Variants in ZFYVE26 observed in about 807,000 individuals in gnomAD.
The protein encoded by ZFYVE26 is zinc finger FYVE-type containing 26.
In ZFYVE26, 181 loss-of-function variants were observed where a neutral mutation model predicts 276.5. The ratio of observed to expected loss-of-function variants is 0.65; its 90% CI spans 0.58 to 0.74. The LOEUF (loss-of-function observed/expected upper bound fraction) is 0.74. ZFYVE26 is among the 30% of genes least tolerant of loss of function. ZFYVE26 has a pLI of 0.00. For synonymous variants in ZFYVE26, 1,129 were observed against 1,203.1 expected, an observed-to-expected ratio of 0.94 and a Z score of 1.27; for missense variants, 2,821 against 3,097.9, an observed-to-expected ratio of 0.91 and a Z score of 2.12.
intron 16 of ZFYVE26, among the ~76,000 whole-genome samples, chr14:67,788,088 C>CG (rs1039057506): frequency 1.9e-4 from 18 of 95,910 alleles, no homozygotes; most frequent in African/African-American, 5.2e-4. Context: ...CACCAGTCCT[C>CG]GAAAAAAAAA....
At chr14:67,812,367 T>C (rs568384899) in intron 3 of ZFYVE26, among the ~76,000 whole-genome samples, 46 of 152,128 alleles carry the variant, frequency 3.0e-4, no homozygotes, top group African/African-American at 1.1e-3. Context: ...CAAAAATGAA[T>C]GGAGGAAAGG....
chr14:67,765,658 G>A (rs373766397), intron 32 of ZFYVE26, among the ~76,000 whole-genome samples: 1 of 152,168 alleles, frequency 6.6e-6, no homozygotes, highest in Non-Finnish European at 1.5e-5. Context: ...AGTCAAAACC[G>A]GTTGTACAGG....
At chr14:67,735,222 G>A in intron 13 of ZFYVE26, 3 of 1,458,718 alleles carry the variant, frequency 2.1e-6, no homozygotes, top group South Asian at 2.3e-5. Context: ...TTCTCGTGGT[G>A]TTCAGGTGCT....
At chr14:67,768,599 T>C (rs768004834) in intron 29 of ZFYVE26, 51 bp from the exon 30 acceptor site, 2 of 1,580,578 alleles carry the variant, frequency 1.3e-6, no homozygotes, top group Non-Finnish European at 1.7e-6. Context: ...GTCACTTCTT[T>C]GTTTTGAGCT....
At chr14:67,763,701 G>A (rs2038991113) in intron 32 of ZFYVE26, among the ~76,000 whole-genome samples, 2 of 152,212 alleles carry the variant, frequency 1.3e-5, no homozygotes, top group South Asian at 4.1e-4. Flanking sequence ...TGACAGTGGA[G>A]TTTTAAAGAT....
At position 67,748,264 on chromosome 14, in the gene ZFYVE26, G is replaced by A. The variant is rs564587701; in HGVS notation, c.*172C>T. The A allele has an allele frequency of 1.2e-5, 8 of 683,212 alleles. No individual in the cohort carries two copies. Among genetic ancestry groups the A allele is most frequent in the South Asian group, 3.8e-5 (2 of 52,242 alleles). 42.3% of individuals were successfully genotyped at this position (683,212 alleles called of 1,614,324 possible). On this transcript the variant is annotated 3_prime_UTR_variant, in exon 42 of 42. Transcript: ENST00000347230. Reference sequence around the variant, plus strand: ...AATTTTAGAGAAACATGGCACTTGCGTGAAAGGTCCTATCCTTGCCCGGGA... The same window carrying A: ...AATTTTAGAGAAACATGGCACTTGCATGAAAGGTCCTATCCTTGCCCGGGA...
chr14:67,770,037 T>C (rs2039167472), intron 28 of ZFYVE26: 1 of 433,672 alleles, frequency 2.3e-6, no homozygotes, highest in East Asian at 4.9e-5. Context: ...AGTCACTTTC[T>C]AAGCCAGTGC....
In ZFYVE26 at chr14:67,815,859, A is replaced by C; in HGVS notation, c.105T>G (p.Cys35Trp). ...RRGEWELAQA[C>W]VPQLQEGQGD... is the part of the protein sequence containing the mutation. Reference sequence around the variant, plus strand: ...CTTGTCCCTCCTGTAGCTGAGGTACACATGCCTGTGCCAGCTCCCATTCTC... The same window carrying C: ...CTTGTCCCTCCTGTAGCTGAGGTACCCATGCCTGTGCCAGCTCCCATTCTC... Residue 35 changes from cysteine to tryptophan, a missense_variant, in exon 2 of 42, where the codon TGT becomes TGG. By Grantham distance (215) the Cys-to-Trp change is radical (BLOSUM62 -2). Transcript: ENST00000347230. 1 of 1,614,180 alleles carries C rather than the reference A, an allele frequency of 6.2e-7. No homozygotes were observed. The highest frequency in any genetic ancestry group is 1.1e-5 in the South Asian group (1 of 91,084).
intron 4 of ZFYVE26, 117 bp from the exon 5 acceptor site, chr14:67,808,037 A>G: frequency 8.1e-7 from 1 of 1,232,644 alleles, no homozygotes; most frequent in Non-Finnish European, 1.1e-6. Flanking sequence ...GGTAACAAAT[A>G]CTTATGTCGT....
chr14:67,753,909 A>T (rs2038710810), intron 38 of ZFYVE26, 143 bp from the exon 39 acceptor site: 5 of 1,485,706 alleles, frequency 3.4e-6, no homozygotes, highest in Non-Finnish European at 4.7e-6. Context: ...GGGATATAAG[A>T]ATGATCAAAA....
intron 28 of ZFYVE26, chr14:67,770,341 G>GTACT (rs940473260): frequency 6.1e-5 from 10 of 162,722 alleles, no homozygotes; most frequent in Non-Finnish European, 9.4e-5. Context: ...GCGGGAGCCT[G>GTACT]TACTCCCAGC....
chr14:67,799,027 C>T (rs7160196), intron 10 of ZFYVE26: 715,710 of 1,152,518 alleles, frequency 0.62, 228,259 homozygotes, highest in East Asian at 0.84. Flanking sequence ...AAGTCTATTC[C>T]GTTCCCAGTG....
chr14:67,769,228 T>C (rs1267834212), intron 29 of ZFYVE26, among the ~76,000 whole-genome samples: 1 of 152,136 alleles, frequency 6.6e-6, no homozygotes, highest in Non-Finnish European at 1.5e-5. Flanking sequence ...ATTCAGCAGG[T>C]GTGAACATGT....
In ZFYVE26 at chr14:67,762,808, T is replaced by C. The variant is rs756137782; in HGVS notation, c.6023A>G (p.Lys2008Arg). 1.6e-5 allele frequency: 26 copies of C among 1,614,090 alleles called. 2 individuals are homozygous for C. The South Asian group carries it at 2.9e-4, about 18-fold the overall frequency. ...AACTAAAATATTCAGCACATCTACC[T>C]TGCTGATGTAGCTACAAGGAGGAAA... The part of the protein sequence containing the change: ...DLALCDSYIS[K>R]VDVLNILVAA... The change falls in exon 33 of 42, where the codon AAG (lysine) becomes AGG (arginine). Residue 2008 changes from lysine to arginine, a missense_variant. Lys to Arg is a conservative substitution (Grantham distance 26). Transcript: ENST00000347230.
chr14:67,741,132 T>C (rs1050813638), intron 13 of ZFYVE26, among the ~76,000 whole-genome samples: 3 of 152,188 alleles, frequency 2.0e-5, no homozygotes, highest in African/African-American at 7.2e-5. Flanking sequence ...GCTTCTTTTA[T>C]TCCAATCCTC....
chr14:67,780,073 G>A (rs970546957), intron 23 of ZFYVE26, among the ~76,000 whole-genome samples, 168 bp downstream of exon 23: 2 of 151,996 alleles, frequency 1.3e-5, no homozygotes, highest in Non-Finnish European at 2.9e-5. Flanking sequence ...GGGTTTCACC[G>A]TGGTCTCGAT....
At chr14:67,785,716 T>G in intron 18 of ZFYVE26, 142 bp downstream of exon 18, 9 of 1,133,346 alleles carry the variant, frequency 7.9e-6, no homozygotes, top group Non-Finnish European at 1.2e-5. Context: ...TACGAGACAT[T>G]GAGACATGCC....
intron 10 of ZFYVE26, 131 bp from the exon 11 acceptor site, chr14:67,798,753 G>C: frequency 8.5e-7 from 1 of 1,183,350 alleles, no homozygotes; most frequent in Admixed American, 2.0e-5. Context: ...AATTATAAGG[G>C]AACTGAGGTT....
At chr14:67,754,971 C>T in intron 37 of ZFYVE26, 80 bp downstream of exon 37, 1 of 1,488,058 alleles carries the variant, frequency 6.7e-7, no homozygotes, top group East Asian at 2.3e-5. Flanking sequence ...AAGGAATGGA[C>T]AAGAGTAGCT....
Sources: allele counts gnomAD v4.1 joint callset (sites outside exome capture counted in the v4.1 genomes callset), GRCh38; gene constraint gnomAD v4.1.1; transcripts MANE v1.5; gene names NCBI Gene and HGNC (gene_info 2026-07-23, HGNC 2026-07-21).